The following BMAL1 variants were observed in gnomAD, a reference collection of about 807,000 sequenced individuals.
BMAL1 encodes the protein basic helix-loop-helix ARNT-like protein 1.
At chr11:13,303,118 G>C in the BMAL1 span, among the ~76,000 whole-genome samples, 1 of 152,154 alleles carries the variant, frequency 6.6e-6, no homozygotes, top group African/African-American at 2.4e-5. Context: ...CCATTTTACA[G>C]ATAAAGAAAA....
At chr11:13,332,420 A>G in the BMAL1 span, among the ~76,000 whole-genome samples, 1 of 152,338 alleles carries the variant, frequency 6.6e-6, no homozygotes. Context: ...CTCAGAGTTG[A>G]GAACATATAA....
the BMAL1 span, among the ~76,000 whole-genome samples, chr11:13,305,983 G>A: frequency 6.6e-6 from 1 of 152,182 alleles, no homozygotes; most frequent in Non-Finnish European, 1.5e-5. Flanking sequence ...TCACCACTGT[G>A]TTGTTCCTTG....
chr11:13,284,250 ATATATATATATATATATTTTT>A, the BMAL1 span, among the ~76,000 whole-genome samples: 8 of 28,250 alleles, frequency 2.8e-4, 2 homozygotes, highest in South Asian at 1.8e-3. Flanking sequence ...ATATATATAT[ATATATATATATATATATTTTT>A]TTTTTTAATG....
chr11:13,301,634 A>G, the BMAL1 span, among the ~76,000 whole-genome samples: 1 of 152,214 alleles, frequency 6.6e-6, no homozygotes. Context: ...CATTCTCAGC[A>G]AAGGTAAAAG....
chr11:13,344,167 G>T, the BMAL1 span, among the ~76,000 whole-genome samples: 7 of 152,110 alleles, frequency 4.6e-5, no homozygotes, highest in Non-Finnish European at 1.0e-4. Context: ...CCTCTTCGCT[G>T]GTCTCATCTC....
At chr11:13,338,411 A>T in the BMAL1 span, among the ~76,000 whole-genome samples, 1 of 152,220 alleles carries the variant, frequency 6.6e-6, no homozygotes, top group East Asian at 1.9e-4. Context: ...AGTGCATTTT[A>T]GAAAGGTTTT....
the BMAL1 span, among the ~76,000 whole-genome samples, chr11:13,333,109 G>A: frequency 6.6e-6 from 1 of 152,070 alleles, no homozygotes; most frequent in Non-Finnish European, 1.5e-5. Flanking sequence ...TGGGATTACA[G>A]GTACATGCCA....
the BMAL1 span, among the ~76,000 whole-genome samples, chr11:13,348,149 G>A: frequency 4.6e-5 from 7 of 152,236 alleles, no homozygotes; most frequent in Admixed American, 3.3e-4. Flanking sequence ...CACGGGCACA[G>A]GAAAGGAAAG....
the BMAL1 span, chr11:13,386,889 C>A: frequency 9.6e-7 from 1 of 1,046,304 alleles, no homozygotes; most frequent in Admixed American, 3.1e-5. Flanking sequence ...ATCTCAGAGC[C>A]ATTGATACAA....
the BMAL1 span, among the ~76,000 whole-genome samples, chr11:13,315,901 C>G: frequency 6.6e-6 from 1 of 152,176 alleles, no homozygotes; most frequent in Non-Finnish European, 1.5e-5. Context: ...AGGCCTCCCC[C>G]TTTCTGGAGC....
the BMAL1 span, among the ~76,000 whole-genome samples, chr11:13,289,424 G>A: frequency 1.3e-5 from 2 of 152,086 alleles, no homozygotes; most frequent in African/African-American, 4.8e-5. Flanking sequence ...GGGTACATGT[G>A]CACAACACAC....
chr11:13,368,255 A>G, the BMAL1 span, among the ~76,000 whole-genome samples: 23 of 152,342 alleles, frequency 1.5e-4, no homozygotes, highest in African/African-American at 5.5e-4. Context: ...CGGATGATTA[A>G]TTCTCATGTG....
At chr11:13,366,054 C>T in the BMAL1 span, among the ~76,000 whole-genome samples, 32 of 152,272 alleles carry the variant, frequency 2.1e-4, no homozygotes, top group East Asian at 9.6e-4. Context: ...CATTTATAAA[C>T]GCTTCTAGAA....
chr11:13,381,062 TA>T, the BMAL1 span: 1 of 1,258,634 alleles, frequency 7.9e-7, no homozygotes, highest in Non-Finnish European at 1.1e-6. Context: ...TGCCAAACCC[TA>T]ATCTAGATCT....
At chr11:13,368,617 C>T in the BMAL1 span, among the ~76,000 whole-genome samples, 1 of 152,178 alleles carries the variant, frequency 6.6e-6, no homozygotes, top group Non-Finnish European at 1.5e-5. Context: ...CCTCGGCACA[C>T]TTGCTCGTGT....
chr11:13,294,912 C>A, the BMAL1 span, among the ~76,000 whole-genome samples: 132 of 152,316 alleles, frequency 8.7e-4, 1 homozygote, highest in African/African-American at 3.1e-3. Flanking sequence ...CCGCAGTGTT[C>A]TTGTAGACTG....
At chr11:13,277,001 AGTATTCTCTTTGGAACTACGG>A in the BMAL1 span, 1 of 152,254 alleles carries the variant, frequency 6.6e-6, no homozygotes, top group African/African-American at 2.4e-5. Context: ...TCCGCGCTCG[AGTATTCTCTTTGGAACTACGG>A]GAATGACAGC....
the BMAL1 span, chr11:13,381,142 T>C: frequency 6.2e-7 from 1 of 1,611,696 alleles, no homozygotes; most frequent in South Asian, 1.1e-5. Context: ...AAAGGCAGTG[T>C]AATTCTCTTT....
chr11:13,284,988 A>G, the BMAL1 span, among the ~76,000 whole-genome samples: 1 of 151,750 alleles, frequency 6.6e-6, no homozygotes, highest in Admixed American at 6.6e-5. Flanking sequence ...AGGCCACCTC[A>G]CTTCACACTC....
Sources: allele counts gnomAD v4.1 joint callset (sites outside exome capture counted in the v4.1 genomes callset), GRCh38; gene constraint gnomAD v4.1.1; transcripts MANE v1.5; gene names NCBI Gene and HGNC (gene_info 2026-07-23, HGNC 2026-07-21).